PPL: variants seen among roughly 807,000 people sequenced by gnomAD.
PPL encodes the protein 190 kDa paraneoplastic pemphigus antigen.
Under a neutral mutation model 194.4 loss-of-function variants are expected in PPL, and 198 were observed. The ratio of observed to expected loss-of-function variants is 1.02; its 90% confidence interval spans 0.91 to 1.15. The LOEUF (loss-of-function observed/expected upper bound fraction) is 1.15, where lower values mean the gene tolerates loss of function less well. PPL is among the 50% of genes most tolerant of loss of function. The pLI, the probability that PPL is intolerant of heterozygous loss-of-function variation, is 0.00. For synonymous variants in PPL, 1,220 were observed against 972.4 expected (o/e 1.25, Z -4.74); for missense variants, 2,885 against 2,294.8 (o/e 1.26, Z -5.25).
rs1246581872 is a variant in PPL at position 4,883,291 on chromosome 16, C to T, written c.*93G>A. On this transcript the variant is annotated 3_prime_UTR_variant, in exon 22 of 22. Coordinates refer to ENST00000345988, the MANE Select transcript of PPL (RefSeq NM_002705.5). The surrounding 1 kb of genome is among the most constrained non-coding windows in gnomAD (Gnocchi z 4.8). ...GGGTATGTATAAAATGCTTGGCCTG[C>T]ACCAGGGCAAGGGAGAGGACGACAC... The T allele has an allele frequency of 2.6e-6, 4 of 1,556,426 alleles. No homozygotes were observed. The highest frequency in any genetic ancestry group is 2.7e-5 in the African/African-American group (2 of 73,040).
At chr16:4,931,765 C>T (rs1177609590) in intron 1 of PPL, among the ~76,000 whole-genome samples, 4 of 152,188 alleles carry the variant, frequency 2.6e-5, no homozygotes, top group Non-Finnish European at 5.9e-5. Flanking sequence ...TAGGGTATTG[C>T]TTAAAGGGTG....
In PPL at chr16:4,914,690, A is replaced by G. The variant is rs372882394; in HGVS notation, c.63-3741T>C. On this transcript the variant is annotated intron_variant, in intron 1 of 21. Transcript: ENST00000345988. Reference sequence around the variant, plus strand: ...GGAAAACCCCATCCTTGATATGTTCATGAGCCAGCAAAGGCACTGACAAGT... The same window carrying G: ...GGAAAACCCCATCCTTGATATGTTCGTGAGCCAGCAAAGGCACTGACAAGT... 3.9e-5 allele frequency among the ~76,000 whole-genome samples: 6 copies of G among 152,306 alleles called. No homozygotes were observed. In the South Asian group the frequency reaches 1.2e-3, roughly 32 times the overall value.
At chr16:4,928,326 C>G (rs2089185477) in intron 1 of PPL, among the ~76,000 whole-genome samples, 1 of 152,264 alleles carries the variant, frequency 6.6e-6, no homozygotes, top group African/African-American at 2.4e-5. Context: ...CCTTAGGCCT[C>G]CCAGAGTGTT....
intron 1 of PPL, among the ~76,000 whole-genome samples, chr16:4,926,170 C>T (rs534247378): frequency 6.6e-6 from 1 of 152,302 alleles, no homozygotes; most frequent in Non-Finnish European, 1.5e-5. Context: ...GCTATCATAG[C>T]TCCATTGCAG....
In PPL at chr16:4,924,647, A is replaced by G. The variant is rs140297332; in HGVS notation, c.62+12337T>C. On this transcript the variant is annotated intron_variant, in intron 1 of 21. Coordinates refer to ENST00000345988, the MANE Select transcript of PPL (RefSeq NM_002705.5). ...TCCCTCCCTGGCTGCCTGACTCCAAAACAACCTGGGGCTCCCCACTGTGCC... is the reference window on the plus strand; with the variant it reads ...TCCCTCCCTGGCTGCCTGACTCCAAGACAACCTGGGGCTCCCCACTGTGCC... Among the ~76,000 whole-genome samples the G allele has an allele frequency of 4.3e-3, 656 of 152,140 alleles. 11 individuals carry two copies. The highest frequency in any genetic ancestry group is 0.043 in the East Asian group (219 of 5,146).
At chr16:4,930,549 A>G (rs1451295285) in intron 1 of PPL, among the ~76,000 whole-genome samples, 1 of 152,184 alleles carries the variant, frequency 6.6e-6, no homozygotes, top group African/African-American at 2.4e-5. Flanking sequence ...TCATTCATTC[A>G]TTCAGCACGC....
chr16:4,935,392 A>G (rs974495264), intron 1 of PPL, among the ~76,000 whole-genome samples: 12 of 152,134 alleles, frequency 7.9e-5, no homozygotes, highest in African/African-American at 2.9e-4. Flanking sequence ...GGATGGGTCT[A>G]GTCTCTGGGG....
At chr16:4,897,281 G>C (rs974762089) in intron 9 of PPL, among the ~76,000 whole-genome samples, 3 of 137,302 alleles carry the variant, frequency 2.2e-5, no homozygotes, top group African/African-American at 8.5e-5. Flanking sequence ...GTTGTAGTGA[G>C]CCGAGATGGC....
chr16:4,925,144 C>T (rs903352629), intron 1 of PPL, among the ~76,000 whole-genome samples: 1 of 152,206 alleles, frequency 6.6e-6, no homozygotes, highest in African/African-American at 2.4e-5. Context: ...GGGTACACCC[C>T]TCCCTGGAAC....
At chr16:4,935,362 G>A (rs567241702) in intron 1 of PPL, among the ~76,000 whole-genome samples, 154 of 152,288 alleles carry the variant, frequency 1.0e-3, no homozygotes, top group African/African-American at 3.6e-3. Context: ...GTATGTGGGT[G>A]TCTGCATGTG....
At chr16:4,911,823 C>T (rs1416331683) in intron 1 of PPL, among the ~76,000 whole-genome samples, 1 of 152,172 alleles carries the variant, frequency 6.6e-6, no homozygotes, top group Non-Finnish European at 1.5e-5. Context: ...CAGATGTCAG[C>T]CACCAGGCCC....
Position 4,883,924 on chromosome 16 carries a change from C to T in PPL, c.4731G>A (p.Leu1577=). The change falls in exon 22 of 22, where the codon CTG becomes CTA. Residue 1577 remains leucine (L), a synonymous_variant. Coordinates refer to ENST00000345988, the MANE Select transcript of PPL (RefSeq NM_002705.5). This position sits in a 1 kb window ranked among gnomAD's most constrained non-coding sequence, Gnocchi z 4.8. ...TTTCCGATTGGAGCCTTCGGGTCTCCAGCTGCAGGTTTTGCCTCTCCAGCT... is the reference window on the plus strand; with the variant it reads ...TTTCCGATTGGAGCCTTCGGGTCTCTAGCTGCAGGTTTTGCCTCTCCAGCT... ...KLQLERQNLQ[L]ETRRLQSEIN... is the part of the protein sequence containing the mutation. The T allele has an allele frequency of 6.2e-7, 1 of 1,614,004 alleles. No individual in the cohort carries two copies. Among genetic ancestry groups the T allele is most frequent in the Non-Finnish European group, 8.5e-7 (1 of 1,180,002 alleles).
chr16:4,903,846 C>T, intron 3 of PPL, 40 bp downstream of exon 3: 1 of 1,609,564 alleles, frequency 6.2e-7, no homozygotes. Flanking sequence ...GCCCATAGCC[C>T]CCAATGGCTC....
At chr16:4,936,950 G>A (rs2089308066) in intron 1 of PPL, 34 bp downstream of exon 1, 2 of 1,573,928 alleles carry the variant, frequency 1.3e-6, no homozygotes, top group African/African-American at 1.4e-5. Context: ...AGGGGCAAGA[G>A]CGTCCCGGAG....
In PPL at chr16:4,888,148, C is replaced by T. The variant is rs1172307999; in HGVS notation, c.2468G>A (p.Ser823Asn). 6.2e-7 allele frequency: 1 copy of T among 1,614,048 alleles called. No homozygotes were observed. Residue 823 changes from serine to asparagine, a missense_variant, in exon 20 of 22, where the codon AGC becomes AAC. Transcript: ENST00000345988. Reference protein sequence around the residue: ...DLENGRRSHVSKRARLQSPAT... With the variant: ...DLENGRRSHVNKRARLQSPAT... ...AGGAGATTGGAGCCTGGCTCTCTTG[C>T]TCACGTGGCTTCTCCTTCCATTCTC...
chr16:4,906,013 C>T (rs1409222081), intron 2 of PPL, among the ~76,000 whole-genome samples: 1 of 152,060 alleles, frequency 6.6e-6, no homozygotes, highest in Non-Finnish European at 1.5e-5. Context: ...GACGCTGGGG[C>T]AGGAGAATCA....
intron 18 of PPL, among the ~76,000 whole-genome samples, chr16:4,889,725 C>T (rs1238670532): frequency 1.3e-5 from 2 of 152,180 alleles, no homozygotes; most frequent in African/African-American, 2.4e-5. Context: ...TGACCTCCAG[C>T]TTATGAGTGA....
chr16:4,891,916 C>T lies in PPL; in HGVS notation c.1863G>A (p.Leu621=), dbSNP rs1315213847. The T allele has an allele frequency of 1.3e-5, 21 of 1,613,386 alleles. No homozygotes were observed. The highest frequency in any genetic ancestry group is 1.8e-5 in the Non-Finnish European group (21 of 1,180,000). The stretch of plus-strand genomic sequence containing the variant: ...TGGCCAGCAACTCCCAGCTCTGCTG[C>T]AGGCTCTTCTCCAGGCGGTTGGCCA... ...VDVANRLEKS[L]QQSWELLATH... Residue 621 remains leucine, a synonymous_variant, in exon 16 of 22, where the codon CTG becomes CTA. Coordinates refer to ENST00000345988, the MANE Select transcript of PPL (RefSeq NM_002705.5).
rs769270970 is a variant in PPL, at chr16:4,885,775, C to T, written c.2880G>A (p.Glu960=). Residue 960 remains glutamate, a synonymous_variant, in exon 22 of 22, where the codon GAG becomes GAA. Transcript: ENST00000345988. This position sits in a 1 kb window ranked among gnomAD's most constrained non-coding sequence, Gnocchi z 6.3. ...FQQLQRTLAE[E]QHKNQLLQEE... ...CCTGCAGCAGCTGGTTCTTGTGCTG[C>T]TCCTCTGCCAGCGTCCGCTGCAGCT... 4.3e-6 allele frequency: 7 copies of T among 1,611,236 alleles called. No homozygotes were observed. The highest frequency in any genetic ancestry group is 5.9e-6 in the Non-Finnish European group (7 of 1,180,010).
Sources: gnomAD v4.1 joint callset for allele counts (sites outside exome capture counted in the v4.1 genomes callset) on GRCh38, gnomAD v4.1.1 for gene constraint, Gnocchi (gnomAD v3.1) non-coding constraint, MANE v1.5 for transcripts, NCBI Gene and HGNC (gene_info 2026-07-23, HGNC 2026-07-21) for gene names.